Variants in MACROD2 observed in about 807,000 individuals in gnomAD.
MACROD2 encodes the protein ADP-ribose glycohydrolase MACROD2.
Under a neutral mutation model 70.4 loss-of-function variants are expected in MACROD2, and 36 were observed. That is an observed-to-expected ratio of 0.51 (90% confidence interval 0.39 to 0.68). The LOEUF is 0.68. Among genes scored for constraint, MACROD2 ranks in the 30% least tolerant of loss-of-function variants. The pLI is 0.00. For synonymous variants in MACROD2, 172 were observed against 178.8 expected (o/e 0.96, Z 0.30); for missense variants, 496 against 538.4 (o/e 0.92, Z 0.78).
intron 5 of MACROD2, among the ~76,000 whole-genome samples, chr20:15,050,478 G>T (rs762295300): frequency 7.5e-6 from 1 of 132,786 alleles, no homozygotes; most frequent in Non-Finnish European, 1.6e-5. Context: ...TAACATTTTT[G>T]TCTATTTACA....
At chr20:14,892,464 A>C (rs1206117566) in intron 5 of MACROD2, among the ~76,000 whole-genome samples, 2 of 152,182 alleles carry the variant, frequency 1.3e-5, no homozygotes, top group Non-Finnish European at 2.9e-5. Context: ...TCCATCTCAA[A>C]AAAACAAAAA....
At chr20:14,066,908 T>C (rs2053766578) in intron 2 of MACROD2, among the ~76,000 whole-genome samples, 1 of 146,836 alleles carries the variant, frequency 6.8e-6, no homozygotes, top group Non-Finnish European at 1.5e-5. Context: ...GCCTCCTGGG[T>C]TCATACCATT....
intron 5 of MACROD2, among the ~76,000 whole-genome samples, chr20:15,016,564 C>T (rs1052076197): frequency 2.0e-5 from 3 of 152,122 alleles, no homozygotes; most frequent in Non-Finnish European, 4.4e-5. Context: ...TTCCTTCACA[C>T]AAGAGTTGGT....
At chr20:15,559,819 C>T (rs890752429) in intron 8 of MACROD2, among the ~76,000 whole-genome samples, 2 of 152,184 alleles carry the variant, frequency 1.3e-5, no homozygotes, top group East Asian at 3.8e-4. Context: ...TCTATAGGTC[C>T]AAGTTATAAA....
intron 4 of MACROD2, among the ~76,000 whole-genome samples, chr20:14,643,260 G>A (rs1985193111): frequency 6.6e-6 from 1 of 152,124 alleles, no homozygotes; most frequent in Non-Finnish European, 1.5e-5. Flanking sequence ...TAGGTTAAAA[G>A]TTAATTGCAG....
At chr20:15,475,021 A>T (rs546341502) in intron 7 of MACROD2, among the ~76,000 whole-genome samples, 20 of 152,152 alleles carry the variant, frequency 1.3e-4, no homozygotes, top group Non-Finnish European at 2.1e-4. Context: ...TCAGAAAAAA[A>T]AAATAAATAA....
intron 6 of MACROD2, among the ~76,000 whole-genome samples, chr20:15,373,985 G>T (rs2045527744): frequency 6.6e-6 from 1 of 151,676 alleles, no homozygotes; most frequent in South Asian, 2.1e-4. Flanking sequence ...TTGTTGATTT[G>T]TTTATTGTTT....
intron 8 of MACROD2, among the ~76,000 whole-genome samples, chr20:15,818,860 A>G (rs963697849): frequency 6.6e-6 from 1 of 152,160 alleles, no homozygotes; most frequent in African/African-American, 2.4e-5. Context: ...TCTCTCACCA[A>G]GAAGTCACGA....
chr20:15,027,549 G>C (rs977628747), intron 5 of MACROD2, among the ~76,000 whole-genome samples: 16 of 136,630 alleles, frequency 1.2e-4, no homozygotes, highest in Non-Finnish European at 1.7e-5. Context: ...TAGTGATGGT[G>C]GTGGTGGTGG....
intron 12 of MACROD2, among the ~76,000 whole-genome samples, chr20:15,953,485 A>G (rs2065934588): frequency 6.6e-6 from 1 of 152,182 alleles, no homozygotes; most frequent in Non-Finnish European, 1.5e-5. Context: ...ATGAATATGA[A>G]CAATTATTTT....
chr20:14,416,635 A>G (rs568181486), intron 3 of MACROD2, among the ~76,000 whole-genome samples: 1 of 152,346 alleles, frequency 6.6e-6, no homozygotes, highest in South Asian at 2.1e-4. Context: ...GCATCCTGTT[A>G]TAAGCACGTC....
intron 9 of MACROD2, among the ~76,000 whole-genome samples, chr20:15,881,431 T>C (rs2064753083): frequency 6.6e-6 from 1 of 152,086 alleles, no homozygotes; most frequent in South Asian, 2.1e-4. Context: ...CCTCATGCAC[T>C]AAGTCAGCCT....
At chr20:14,389,132 G>A (rs568619303) in intron 3 of MACROD2, among the ~76,000 whole-genome samples, 3 of 151,940 alleles carry the variant, frequency 2.0e-5, no homozygotes, top group East Asian at 1.9e-4. Context: ...CGCTCGCCTC[G>A]GCCTTCCAAA....
intron 6 of MACROD2, among the ~76,000 whole-genome samples, chr20:15,378,563 C>A (rs2045598573): frequency 6.6e-6 from 1 of 152,020 alleles, no homozygotes; most frequent in African/African-American, 2.4e-5. Flanking sequence ...TCTATCATAT[C>A]ATTGATCAAA....
chr20:14,714,734 A>G (rs966457171), intron 5 of MACROD2, among the ~76,000 whole-genome samples: 2 of 152,052 alleles, frequency 1.3e-5, no homozygotes, highest in African/African-American at 4.8e-5. Flanking sequence ...TATCCTTCAC[A>G]TCAACACACT....
At chr20:14,952,143 A>G (rs905008428) in intron 5 of MACROD2, among the ~76,000 whole-genome samples, 2 of 152,080 alleles carry the variant, frequency 1.3e-5, no homozygotes, top group African/African-American at 4.8e-5. Flanking sequence ...TACAGCTCTA[A>G]TTCTAACTAA....
chr20:15,893,124 A>G (rs1359576096), intron 10 of MACROD2: 2 of 400,266 alleles, frequency 5.0e-6, no homozygotes, highest in Non-Finnish European at 8.8e-6. Context: ...GGGTTAAAAT[A>G]TCACAGAGAA....
chr20:15,173,863 A>G (rs1022712055), intron 5 of MACROD2, among the ~76,000 whole-genome samples: 3 of 152,218 alleles, frequency 2.0e-5, no homozygotes, highest in African/African-American at 7.2e-5. Flanking sequence ...AGTTAATGGT[A>G]TACAATGAAA....
At chr20:15,362,260 C>T (rs1363720728) in intron 6 of MACROD2, among the ~76,000 whole-genome samples, 1 of 152,004 alleles carries the variant, frequency 6.6e-6, no homozygotes, top group African/African-American at 2.4e-5. Context: ...TCCCAAAGTA[C>T]TGGAATTACA....
Sources: allele counts gnomAD v4.1 joint callset (sites outside exome capture counted in the v4.1 genomes callset), GRCh38; gene constraint gnomAD v4.1.1; transcripts MANE v1.5; gene names NCBI Gene and HGNC (gene_info 2026-07-23, HGNC 2026-07-21).